EZR: variants seen among roughly 807,000 people sequenced by gnomAD.
EZR encodes cytovillin 2.
Under a neutral mutation model 74.8 loss-of-function variants are expected in EZR, and 40 were observed. The ratio of observed to expected loss-of-function variants is 0.53; its 90% CI spans 0.42 to 0.70. EZR has a LOEUF of 0.70. EZR is among the 30% of genes least tolerant of loss of function. EZR has a pLI of 0.00. For synonymous variants in EZR, 341 were observed against 283.3 expected (o/e 1.20, Z -2.05); for missense variants, 678 against 755.8 (o/e 0.90, Z 1.21).
At chr6:158,770,633 T>G (rs1202285470) in intron 10 of EZR, 131 bp downstream of exon 10, 2 of 998,326 alleles carry the variant, frequency 2.0e-6, no homozygotes, top group East Asian at 4.7e-5. Context: ...ATTTTATCAT[T>G]TCGGCTGTGA....
chr6:158,794,264 A>G (rs1232951802), intron 2 of EZR, among the ~76,000 whole-genome samples: 1 of 152,172 alleles, frequency 6.6e-6, no homozygotes, highest in Non-Finnish European at 1.5e-5. Flanking sequence ...TGGGTGATAC[A>G]GCGAAGACTC....
In EZR at chr6:158,766,827, T is replaced by C. The variant is rs1334694215; in HGVS notation, c.*87A>G. 1.2e-5 allele frequency: 16 copies of C among 1,303,556 alleles called. No individual in the cohort carries two copies. The highest frequency in any genetic ancestry group is 2.1e-5 in the Admixed American group (1 of 48,120). The allele number at this position is 1,303,556 out of a possible 1,614,324, so 80.7% of individuals were successfully genotyped here. Reference sequence around the variant, plus strand: ...AGGAACTGGGATCTGAGGGAGTTCCTAGACTTGGAGCACTAAAGACACAAG... The same window carrying C: ...AGGAACTGGGATCTGAGGGAGTTCCCAGACTTGGAGCACTAAAGACACAAG... On this transcript the variant is annotated 3_prime_UTR_variant, in exon 14 of 14. Coordinates refer to ENST00000367075, the MANE Select transcript of EZR (RefSeq NM_001111077.2).
rs2230145 is a variant in EZR, at chr6:158,766,892, G to A, written c.*22C>T. ...CAGCGCCCGCTATGAGCACCCCTCT[G>A]CCCTTGGTCCTGGCCTGGCTGTTAC... On this transcript the variant is annotated 3_prime_UTR_variant, in exon 14 of 14. Transcript: ENST00000367075. 14,439 of 1,611,232 alleles carry A rather than the reference G, an allele frequency of 9.0e-3. 91 individuals are homozygous for A. Among genetic ancestry groups the A allele is most frequent in the Non-Finnish European group, 0.011 (13,206 of 1,178,020 alleles).
intron 11 of EZR, 59 bp from the exon 12 acceptor site, chr6:158,769,477 G>A (rs1342346152): frequency 3.3e-6 from 5 of 1,514,910 alleles, no homozygotes; most frequent in East Asian, 2.3e-5. Flanking sequence ...GAGTCCAGTT[G>A]TGAATGAGTG....
At chr6:158,788,162 A>C (rs1019631763) in intron 3 of EZR, among the ~76,000 whole-genome samples, 5 of 152,252 alleles carry the variant, frequency 3.3e-5, no homozygotes, top group Non-Finnish European at 7.3e-5. Context: ...ATTAGAAATG[A>C]CAACTCAGGT....
At chr6:158,815,745 T>C (rs1583593349) in intron 2 of EZR, among the ~76,000 whole-genome samples, 1 of 152,220 alleles carries the variant, frequency 6.6e-6, no homozygotes, top group Non-Finnish European at 1.5e-5. Flanking sequence ...TACAGGCTCG[T>C]GCCTGTAATC....
At chr6:158,783,350 C>T (rs1791481598) in intron 7 of EZR, among the ~76,000 whole-genome samples, 170 bp downstream of exon 7, 1 of 139,060 alleles carries the variant, frequency 7.2e-6, no homozygotes, top group Admixed American at 7.2e-5. Flanking sequence ...ACCTCTGGAC[C>T]ACCCTTTGAG....
chr6:158,801,596 A>T (rs531955177), intron 2 of EZR, among the ~76,000 whole-genome samples: 10 of 152,332 alleles, frequency 6.6e-5, no homozygotes, highest in East Asian at 1.9e-4. Context: ...ACTCATTCTG[A>T]TAAGTTTTCA....
At chr6:158,783,390 A>G in intron 7 of EZR, 130 bp downstream of exon 7, 2 of 671,418 alleles carry the variant, frequency 3.0e-6, no homozygotes, top group East Asian at 2.6e-5. Context: ...AGCCCTTTAA[A>G]AAGTTTCCTA....
rs1790866469 is a variant in EZR, at chr6:158,766,642, CG to C, written c.*271del. ...TTACTCAGACTTTACAGGCATTTTC[CG>C]TAATTCAATCAGTCCTGCTCCCAGC... On this transcript the variant is annotated 3_prime_UTR_variant, in exon 14 of 14. Transcript: ENST00000367075. 7 of 405,516 alleles carry C rather than the reference CG, an allele frequency of 1.7e-5. No individual in the cohort carries two copies. Among genetic ancestry groups the C allele is most frequent in the Middle Eastern group, 6.4e-4 (1 of 1,564 alleles). 25.1% of individuals were successfully genotyped at this position (405,516 alleles called of 1,614,324 possible).
chr6:158,768,263 T>G (rs1387200089), intron 12 of EZR, among the ~76,000 whole-genome samples: 2 of 151,948 alleles, frequency 1.3e-5, no homozygotes, highest in Non-Finnish European at 2.9e-5. Context: ...ATGTAAGAGG[T>G]GCCTGCTTCC....
At chr6:158,803,239 A>G (rs1777226863) in intron 2 of EZR, among the ~76,000 whole-genome samples, 1 of 151,860 alleles carries the variant, frequency 6.6e-6, no homozygotes, top group Non-Finnish European at 1.5e-5. Flanking sequence ...TTTATGTTAT[A>G]TAAACGTATG....
chr6:158,807,701 A>G (rs1331788046), intron 2 of EZR, among the ~76,000 whole-genome samples: 1 of 152,228 alleles, frequency 6.6e-6, no homozygotes, highest in African/African-American at 2.4e-5. Flanking sequence ...GTGAAAATTT[A>G]CAGTAGCACG....
chr6:158,800,038 G>T (rs1411859169), intron 2 of EZR, among the ~76,000 whole-genome samples: 1 of 152,112 alleles, frequency 6.6e-6, no homozygotes, highest in Non-Finnish European at 1.5e-5. Flanking sequence ...GCAAGCATAT[G>T]GTTAGAATGC....
intron 2 of EZR, among the ~76,000 whole-genome samples, chr6:158,804,603 A>C (rs1019824389): frequency 1.3e-5 from 2 of 152,204 alleles, no homozygotes; most frequent in Non-Finnish European, 2.9e-5. Flanking sequence ...GTAAGGGACA[A>C]GGCCAAGATG....
Position 158,818,141 on chromosome 6 carries a change from A to T in EZR, c.-48T>A, listed in dbSNP as rs201983462. Reference sequence around the variant, plus strand: ...TCGATCCCCGAAAACACGACTATCCAGCAGCAGCGAAGACGCTGTCCCAAC... The same window carrying T: ...TCGATCCCCGAAAACACGACTATCCTGCAGCAGCGAAGACGCTGTCCCAAC... On this transcript the variant is annotated 5_prime_UTR_variant, in exon 2 of 14. Transcript: ENST00000367075. 19 of 1,603,784 alleles carry T rather than the reference A, an allele frequency of 1.2e-5. No homozygotes were observed. The highest frequency in any genetic ancestry group is 1.6e-5 in the Non-Finnish European group (19 of 1,173,292).
rs1386677740 is a variant in EZR, at chr6:158,765,991, GAC to G, written c.*921_*922del. On this transcript the variant is annotated 3_prime_UTR_variant, in exon 14 of 14. Coordinates refer to ENST00000367075, the MANE Select transcript of EZR (RefSeq NM_001111077.2). ...AGCTCATAGTGGCATGTGTGAATCT[GAC>G]AAAATTAAAAGTGTGCATAGTCCAT... The G allele has an allele frequency of 6.6e-6, 1 of 152,552 alleles. No homozygotes were observed. Among genetic ancestry groups the G allele is most frequent in the African/African-American group, 2.4e-5 (1 of 41,422 alleles). The allele number at this position is 152,552 out of a possible 1,614,324, so 9.4% of individuals were successfully genotyped here.
chr6:158,808,954 A>C (rs1224084446), intron 2 of EZR, among the ~76,000 whole-genome samples: 6 of 152,172 alleles, frequency 3.9e-5, no homozygotes, highest in Non-Finnish European at 8.8e-5. Context: ...ACAGTGTGAA[A>C]CTTCATCTCT....
intron 7 of EZR, among the ~76,000 whole-genome samples, chr6:158,776,754 C>A (rs907999902): frequency 6.6e-6 from 1 of 152,146 alleles, no homozygotes; most frequent in Non-Finnish European, 1.5e-5. Context: ...GTCTAGGGCA[C>A]CTATGATTAC....
Sources: allele counts gnomAD v4.1 joint callset (sites outside exome capture counted in the v4.1 genomes callset), GRCh38; gene constraint gnomAD v4.1.1; transcripts MANE v1.5; gene names NCBI Gene and HGNC (gene_info 2026-07-23, HGNC 2026-07-21).